Variants in SHROOM1 observed in about 807,000 individuals in gnomAD.
The protein encoded by SHROOM1 is shroom family member 1.
A neutral mutation model predicts 64.2 loss-of-function variants in SHROOM1; 53 were observed. The ratio of observed to expected loss-of-function variants is 0.83; its 90% CI spans 0.66 to 1.04. The LOEUF (loss-of-function observed/expected upper bound fraction) is 1.04, where lower values mean the gene tolerates loss of function less well. Among genes scored for constraint, SHROOM1 ranks in the 50% least tolerant of loss-of-function variants. The pLI, the probability that SHROOM1 is intolerant of heterozygous loss-of-function variation, is 0.00. For missense variants in SHROOM1, 1,179 were observed against 1,163.2 expected (o/e 1.01, Z -0.20); for synonymous variants, 490 against 518.9 (o/e 0.94, Z 0.76).
rs1758805422 is a variant in SHROOM1, at chr5:132,830,200, G to C, written c.-501+394C>G. ...ACCGTCGGGGAAGGATCGCGCGCAG[G>C]GGACAGCGCGAGCCCGGGAGGGAAG... On this transcript the variant is annotated intron_variant, in intron 1 of 9. Coordinates refer to ENST00000378679, the MANE Select transcript of SHROOM1 (RefSeq NM_001172700.2). This position sits in a 1 kb window ranked among gnomAD's most constrained non-coding sequence, Gnocchi z 5.9. The C allele has an allele frequency of 1.0e-5, 10 of 985,330 alleles. No individual in the cohort carries two copies. Among genetic ancestry groups the C allele is most frequent in the Non-Finnish European group, 1.2e-5 (10 of 829,886 alleles). 61.0% of individuals were successfully genotyped at this position (985,330 alleles called of 1,614,324 possible).
At chr5:132,829,079 T>C (rs541956419) in intron 1 of SHROOM1, among the ~76,000 whole-genome samples, 1 of 152,224 alleles carries the variant, frequency 6.6e-6, no homozygotes, top group South Asian at 2.1e-4. Flanking sequence ...AGTTCAGAGG[T>C]GGAGCTCAAG....
In SHROOM1 at chr5:132,830,522, G is replaced by T; in HGVS notation, c.-501+72C>A. 1 of 984,914 alleles carries T rather than the reference G, an allele frequency of 1.0e-6. No homozygotes were observed. Among genetic ancestry groups the T allele is most frequent in the African/African-American group, 1.8e-5 (1 of 57,114 alleles). The allele number at this position is 984,914 out of a possible 1,614,324, so 61.0% of individuals were successfully genotyped here. A position where few individuals can be genotyped will look rare whatever the true frequency, so the allele number is the denominator to read the frequency against. Reference sequence around the variant, plus strand: ...GCCCGCTCTTCACCCCCGTCCGCCCGCAGCCCCGCCGGCCTCCCGGGGGAA... The same window carrying T: ...GCCCGCTCTTCACCCCCGTCCGCCCTCAGCCCCGCCGGCCTCCCGGGGGAA... On this transcript the variant is annotated intron_variant, in intron 1 of 9. Coordinates refer to ENST00000378679, the MANE Select transcript of SHROOM1 (RefSeq NM_001172700.2). This position sits in a 1 kb window ranked among gnomAD's most constrained non-coding sequence, Gnocchi z 5.9.
In SHROOM1 at chr5:132,830,288, G is replaced by C. The variant is rs1221673332; in HGVS notation, c.-501+306C>G. 1.0e-6 allele frequency: 1 copy of C among 985,144 alleles called. No individual in the cohort carries two copies. The highest frequency in any genetic ancestry group is 1.7e-5 in the African/African-American group (1 of 57,208). 61.0% of individuals were successfully genotyped at this position (985,144 alleles called of 1,614,324 possible). A position where few individuals can be genotyped will look rare whatever the true frequency, so the allele number is the denominator to read the frequency against. ...GAGCGGAGGGTGGCGGAGTGAGACC[G>C]CGCTGCCCGCCGGCGCCACACGCGG... On this transcript the variant is annotated intron_variant, in intron 1 of 9. Transcript: ENST00000378679. This position sits in a 1 kb window ranked among gnomAD's most constrained non-coding sequence, Gnocchi z 5.9.
rs1758546976 is a variant in SHROOM1 at position 132,823,783 on chromosome 5, C to G, written c.1812-19G>C. The stretch of plus-strand genomic sequence containing the variant: ...ATAGGACCTGGGAACAAAACCAGAG[C>G]TCCCTGGGTTTCCTGTCCCCAACTT... On this transcript the variant is annotated intron_variant, in intron 7 of 9. Coordinates refer to ENST00000378679, the MANE Select transcript of SHROOM1 (RefSeq NM_001172700.2). This position sits in a 1 kb window ranked among gnomAD's most constrained non-coding sequence, Gnocchi z 4.6. 6 of 1,542,108 alleles carry G rather than the reference C, an allele frequency of 3.9e-6. No individual in the cohort carries two copies. The South Asian group carries it at 7.5e-5, about 19-fold the overall frequency.
In SHROOM1 at chr5:132,823,479, T is replaced by C; in HGVS notation, c.1997A>G (p.His666Arg). Residue 666 changes from histidine (H) to arginine (R), a missense_variant, in exon 9 of 10, where the codon CAC becomes CGC. Transcript: ENST00000378679. This position sits in a 1 kb window ranked among gnomAD's most constrained non-coding sequence, Gnocchi z 4.6. ...CCCCTGCAGCCGCTCCTGCTCCGTG[T>C]GAAGGTCCTGAAGCATCTTTTGGAG... The part of the protein sequence containing the change: ...ARLQKMLQDL[H>R]TEQERLQGEA... The C allele has an allele frequency of 6.2e-7, 1 of 1,606,032 alleles. No individual in the cohort carries two copies. The highest frequency in any genetic ancestry group is 8.5e-7 in the Non-Finnish European group (1 of 1,174,254).
In SHROOM1 at chr5:132,824,102, TGA is replaced by T. The variant is rs762816240; in HGVS notation, c.1557_1558del (p.His520GlnfsTer19). 3 of 1,614,076 alleles carry T rather than the reference TGA, an allele frequency of 1.9e-6. No homozygotes were observed. Among genetic ancestry groups the T allele is most frequent in the Non-Finnish European group, 2.5e-6 (3 of 1,180,006 alleles). ...AGTGCCCCTGGCTAGGGCAGTATTG[TGA>T]GAGGGACCTGGAGTATCATTGCCTG... On this transcript the variant is annotated frameshift_variant, in exon 7 of 10. Transcript: ENST00000378679. LOFTEE classifies it high-confidence loss of function.
Position 132,825,938 on chromosome 5 carries a change from C to T in SHROOM1, c.203G>A (p.Gly68Asp), listed in dbSNP as rs1187272399. Residue 68 changes from glycine to aspartate, a missense_variant, in exon 4 of 10, where the codon GGC (glycine) becomes GAC (aspartate). By Grantham distance (94) the Gly-to-Asp change is moderately conservative. Transcript: ENST00000378679. The surrounding 1 kb of genome is among the most constrained non-coding windows in gnomAD (Gnocchi z 5.1). ...GTCGGGCGGGGCGGGGCCCGGGCCG[C>T]CCCAAACCACACGCACGTAGTCCCA... ...LDWDYVRVVW[G>D]GPGPAPPDAA... is the part of the protein sequence containing the mutation. 2.6e-5 allele frequency: 37 copies of T among 1,406,716 alleles called. No homozygotes were observed. The highest frequency in any genetic ancestry group is 3.4e-5 in the Non-Finnish European group (36 of 1,073,132). The allele number at this position is 1,406,716 out of a possible 1,614,324, so 87.1% of individuals were successfully genotyped here.
chr5:132,825,862 A>T lies in SHROOM1; in HGVS notation c.279T>A (p.Ser93Arg). The change falls in exon 4 of 10, where the codon AGT (serine) becomes AGA (arginine). Residue 93 changes from serine (S) to arginine (R), a missense_variant. Transcript: ENST00000378679. This position sits in a 1 kb window ranked among gnomAD's most constrained non-coding sequence, Gnocchi z 5.1. ...PRPRPAVAAR[S>R]GPQPTEVPGT... The stretch of plus-strand genomic sequence containing the variant: ...CCGGGACCTCTGTTGGCTGCGGCCC[A>T]CTGCGGGCTGCAACCGCGGGCCGGG... 7.7e-7 allele frequency: 1 copy of T among 1,294,762 alleles called. No homozygotes were observed. 80.2% of individuals were successfully genotyped at this position (1,294,762 alleles called of 1,614,324 possible). A position where few individuals can be genotyped will look rare whatever the true frequency, so the allele number is the denominator to read the frequency against.
rs1296449110 is a variant in SHROOM1, at chr5:132,830,588, G to T, written c.-501+6C>A. 3.0e-6 allele frequency: 3 copies of T among 985,140 alleles called. No homozygotes were observed. Among genetic ancestry groups the T allele is most frequent in the Non-Finnish European group, 3.6e-6 (3 of 829,840 alleles). The allele number at this position is 985,140 out of a possible 1,614,324, so 61.0% of individuals were successfully genotyped here. ...CGCTTCCCGCTCCCCCGCCCCCGCC[G>T]CGTACCTGAGGCTCCCGCCGAGACG... is the stretch of plus-strand genomic sequence containing the variant. On this transcript the variant is annotated splice_donor_region_variant and intron_variant, in intron 1 of 9. Coordinates refer to ENST00000378679, the MANE Select transcript of SHROOM1 (RefSeq NM_001172700.2). The surrounding 1 kb of genome is among the most constrained non-coding windows in gnomAD (Gnocchi z 5.9).
chr5:132,827,404 A>G (rs1364119590), intron 2 of SHROOM1, 57 bp downstream of exon 2: 1 of 152,276 alleles, frequency 6.6e-6, no homozygotes. Flanking sequence ...ATCACTAGGT[A>G]AAGAGATCAA....
chr5:132,829,100 G>A (rs1459725344), intron 1 of SHROOM1, among the ~76,000 whole-genome samples: 2 of 152,250 alleles, frequency 1.3e-5, no homozygotes, highest in Non-Finnish European at 2.9e-5. Context: ...GAGCTCTGCA[G>A]GCATTTTGCC....
At position 132,825,272 on chromosome 5, in the gene SHROOM1, C is replaced by T; in HGVS notation, c.869G>A (p.Gly290Glu). Reference sequence around the variant, plus strand: ...GAAGGCATCACCGAGCTTCAAGGACCCGGAGTCCAGGTTCATGGAGCCTTG... The same window carrying T: ...GAAGGCATCACCGAGCTTCAAGGACTCGGAGTCCAGGTTCATGGAGCCTTG... ...QPQGSMNLDS[G>E]SLKLGDAFRP... Residue 290 changes from glycine to glutamate, a missense_variant, in exon 4 of 10, where the codon GGG becomes GAG. Transcript: ENST00000378679. The surrounding 1 kb of genome is among the most constrained non-coding windows in gnomAD (Gnocchi z 5.1). The T allele has an allele frequency of 6.2e-7, 1 of 1,613,602 alleles. No homozygotes were observed. Among genetic ancestry groups the T allele is most frequent in the Non-Finnish European group, 8.5e-7 (1 of 1,179,934 alleles).
chr5:132,825,443 C>T lies in SHROOM1; in HGVS notation c.698G>A (p.Gly233Asp), dbSNP rs756023657. Residue 233 changes from glycine to aspartate, a missense_variant, in exon 4 of 10, where the codon GGT becomes GAT. Coordinates refer to ENST00000378679, the MANE Select transcript of SHROOM1 (RefSeq NM_001172700.2). This position sits in a 1 kb window ranked among gnomAD's most constrained non-coding sequence, Gnocchi z 5.1. ...FSEPGKLDRVGRGGGPARECL... is the reference protein window; with the variant it reads ...FSEPGKLDRVDRGGGPARECL... ...TTCCCGCGCCGGCCCACCGCCCCGACCCACACGATCCAGCTTTCCTGGCTC... is the reference window on the plus strand; with the variant it reads ...TTCCCGCGCCGGCCCACCGCCCCGATCCACACGATCCAGCTTTCCTGGCTC... The T allele has an allele frequency of 1.3e-6, 2 of 1,587,490 alleles. No individual in the cohort carries two copies. The highest frequency in any genetic ancestry group is 2.2e-5 in the South Asian group (2 of 89,904).
intron 1 of SHROOM1, chr5:132,829,858 C>T (rs369491218): frequency 4.1e-6 from 4 of 985,366 alleles, no homozygotes; most frequent in Non-Finnish European, 3.6e-6. Flanking sequence ...GCTGACAGCG[C>T]ACCCCACGCA....
Position 132,827,613 on chromosome 5 carries a change from T to TCAAAA in SHROOM1, c.-500-11_-500-7dup, listed in dbSNP as rs59134061. The TCAAAA allele has an allele frequency of 0.43, 64,139 of 149,674 alleles. 14,260 individuals carry two copies. Among genetic ancestry groups the TCAAAA allele is most frequent in the South Asian group, 0.59 (2,708 of 4,620 alleles). The allele number at this position is 149,674 out of a possible 1,614,324, so 9.3% of individuals were successfully genotyped here. A position where few individuals can be genotyped will look rare whatever the true frequency, so the allele number is the denominator to read the frequency against. ...CCTGGCGACAAAGTGAGGCTCTGTCTCAAAACAAAACAAAACAAAACAAAA... is the reference window on the plus strand; with the variant it reads ...CCTGGCGACAAAGTGAGGCTCTGTCTCAAAACAAAACAAAACAAAACAAAACAAAA... On this transcript the variant is annotated splice_polypyrimidine_tract_variant and splice_region_variant and intron_variant, in intron 1 of 9. Coordinates refer to ENST00000378679, the MANE Select transcript of SHROOM1 (RefSeq NM_001172700.2).
chr5:132,829,055 G>A (rs765566884), intron 1 of SHROOM1, among the ~76,000 whole-genome samples: 4 of 152,236 alleles, frequency 2.6e-5, no homozygotes, highest in South Asian at 2.1e-4. Context: ...TGCCTGTGCC[G>A]GCTGCTGAAA....
Position 132,823,093 on chromosome 5 carries a change from C to A in SHROOM1, c.2262G>T (p.Arg754=), listed in dbSNP as rs1318442628. ...TCAGCTCCTTGGCGTCCTCCTCCTG[C>A]CGCTGCAGGAGCCGGAGTCGCTGCA... ...SLLQRLRLLQ[R]QEEDAKELKE... The change falls in exon 10 of 10, where the codon CGG becomes CGT. Residue 754 remains arginine, a synonymous_variant. Transcript: ENST00000378679. The surrounding 1 kb of genome is among the most constrained non-coding windows in gnomAD (Gnocchi z 4.6). 7.6e-6 allele frequency: 12 copies of A among 1,583,916 alleles called. No homozygotes were observed. Among genetic ancestry groups the A allele is most frequent in the Admixed American group, 1.7e-5 (1 of 58,016 alleles).
Position 132,830,426 on chromosome 5 carries a change from CT to C in SHROOM1, c.-501+167del, listed in dbSNP as rs1758810001. ...TGGGGTCCGACTCCACTGGCGCAAC[CT>C]GACGCGGCGCCGAGCCAGACACGTC... On this transcript the variant is annotated intron_variant, in intron 1 of 9. Transcript: ENST00000378679. The surrounding 1 kb of genome is among the most constrained non-coding windows in gnomAD (Gnocchi z 5.9). 1.0e-6 allele frequency: 1 copy of C among 985,076 alleles called. No individual in the cohort carries two copies. Among genetic ancestry groups the C allele is most frequent in the African/African-American group, 1.7e-5 (1 of 57,302 alleles). 61.0% of individuals were successfully genotyped at this position (985,076 alleles called of 1,614,324 possible).
Position 132,824,634 on chromosome 5 carries a change from A to T in SHROOM1, c.1222T>A (p.Ser408Thr), listed in dbSNP as rs754001216. 52 of 1,608,542 alleles carry T rather than the reference A, an allele frequency of 3.2e-5. No homozygotes were observed. The South Asian group carries it at 5.7e-4, about 18-fold the overall frequency. ...RMRSPPDPHA[S>T]QGPPASVHAS... ...AATTACCTGGCTGGGGGCCCCTGGG[A>T]GGCATGGGGGTCTGGTGGTGATCTC... The change falls in exon 6 of 10, where the codon TCC (serine) becomes ACC (threonine). Residue 408 changes from serine to threonine, a missense_variant. By Grantham distance (58) the Ser-to-Thr change is moderately conservative. Transcript: ENST00000378679.
Sources: allele counts gnomAD v4.1 joint callset (sites outside exome capture counted in the v4.1 genomes callset), GRCh38; gene constraint gnomAD v4.1.1; non-coding constraint Gnocchi (gnomAD v3.1); transcripts MANE v1.5; gene names NCBI Gene and HGNC (gene_info 2026-07-23, HGNC 2026-07-21).